R3HDM2: variants seen among roughly 807,000 people sequenced by gnomAD.
The protein encoded by R3HDM2 is R3H domain containing 2, also known as R3H domain-containing protein 2.
A neutral mutation model predicts 124.5 loss-of-function variants in R3HDM2; 38 were observed. That is an observed-to-expected ratio of 0.31 (90% CI 0.24 to 0.40). R3HDM2 has a LOEUF of 0.40. R3HDM2 is among the 10% of genes least tolerant of loss of function. R3HDM2 has a pLI of 1.00. For missense variants in R3HDM2, 869 were observed against 1,236.9 expected (o/e 0.70, Z 4.46); for synonymous variants, 391 against 448.0 (o/e 0.87, Z 1.61).
At chr12:57,328,043 ACAGT>A (rs2057556246) in intron 2 of R3HDM2, among the ~76,000 whole-genome samples, 1 of 151,926 alleles carries the variant, frequency 6.6e-6, no homozygotes, top group South Asian at 2.1e-4. Context: ...CATGAAAGGA[ACAGT>A]CAGTCGATTC....
At chr12:57,274,636 G>A (rs928473407) in intron 14 of R3HDM2, among the ~76,000 whole-genome samples, 2 of 152,162 alleles carry the variant, frequency 1.3e-5, no homozygotes, top group Non-Finnish European at 2.9e-5. Flanking sequence ...TATTTTTTTA[G>A]TTACTCCACA....
intron 2 of R3HDM2, among the ~76,000 whole-genome samples, chr12:57,365,566 T>A (rs960099198): frequency 6.6e-6 from 1 of 152,176 alleles, no homozygotes; most frequent in African/African-American, 2.4e-5. Context: ...ATCACACAGA[T>A]CCAAATGGCT....
chr12:57,422,564 T>C (rs2070318887), intron 1 of R3HDM2, among the ~76,000 whole-genome samples: 1 of 152,196 alleles, frequency 6.6e-6, no homozygotes, highest in African/African-American at 2.4e-5. Flanking sequence ...AGGGGCCAGA[T>C]CATAAAGAGT....
At chr12:57,395,852 A>T in intron 1 of R3HDM2, 34 bp from the exon 2 acceptor site, 1 of 950,482 alleles carries the variant, frequency 1.1e-6, no homozygotes, top group Non-Finnish European at 1.3e-6. Flanking sequence ...AAAACAAGTT[A>T]AAAGCAATTT....
intron 2 of R3HDM2, among the ~76,000 whole-genome samples, chr12:57,385,433 G>A (rs537101681): frequency 6.6e-6 from 1 of 151,640 alleles, no homozygotes; most frequent in South Asian, 2.1e-4. Context: ...TAGTAGAGAG[G>A]GGGTTTCACC....
At chr12:57,411,194 T>C (rs191289440) in intron 1 of R3HDM2, among the ~76,000 whole-genome samples, 32 of 152,294 alleles carry the variant, frequency 2.1e-4, no homozygotes, top group Non-Finnish European at 4.3e-4. Context: ...ATAGCAATAA[T>C]ATGCAGGATT....
At chr12:57,273,691 T>G (rs1746891528) in intron 14 of R3HDM2, among the ~76,000 whole-genome samples, 1 of 152,174 alleles carries the variant, frequency 6.6e-6, no homozygotes, top group Non-Finnish European at 1.5e-5. Flanking sequence ...CCCACTCTAG[T>G]AGTGGAGAGG....
chr12:57,322,177 CTGCACT>C (rs2056566746), intron 2 of R3HDM2, among the ~76,000 whole-genome samples: 1 of 152,104 alleles, frequency 6.6e-6, no homozygotes, highest in African/African-American at 2.4e-5. Flanking sequence ...GATCGCGCCA[CTGCACT>C]CCAGCCTGGG....
intron 2 of R3HDM2, among the ~76,000 whole-genome samples, chr12:57,362,103 T>C (rs923410513): frequency 1.3e-5 from 2 of 152,082 alleles, no homozygotes; most frequent in East Asian, 3.9e-4. Flanking sequence ...CTGCACTCCA[T>C]CCTGGGAGAC....
Position 57,296,884 on chromosome 12 carries a change from T to C in R3HDM2, c.561-333A>G. The C allele has an allele frequency of 4.2e-6, 1 of 237,498 alleles. No individual in the cohort carries two copies. The highest frequency in any genetic ancestry group is 8.2e-6 in the Non-Finnish European group (1 of 121,476). The allele number at this position is 237,498 out of a possible 1,614,324, so 14.7% of individuals were successfully genotyped here. On this transcript the variant is annotated intron_variant, in intron 8 of 23. Transcript: ENST00000402412. The surrounding 1 kb of genome is among the most constrained non-coding windows in gnomAD (Gnocchi z 4.5). ...TTCAAGACCAGCCTGGTCAACATGG[T>C]GAAACCCCGTCTCTACAAAAAATAC...
chr12:57,315,756 A>G (rs1475441546), intron 2 of R3HDM2, among the ~76,000 whole-genome samples: 1 of 152,250 alleles, frequency 6.6e-6, no homozygotes, highest in Non-Finnish European at 1.5e-5. Flanking sequence ...TTGGAGAAAC[A>G]GGAAGACTTG....
chr12:57,386,813 A>T (rs1397650187), intron 2 of R3HDM2, among the ~76,000 whole-genome samples: 1 of 152,184 alleles, frequency 6.6e-6, no homozygotes, highest in Admixed American at 6.6e-5. Flanking sequence ...TATCTAGCTC[A>T]AGGTTTGTAA....
chr12:57,386,543 G>C (rs1308953476), intron 2 of R3HDM2, among the ~76,000 whole-genome samples: 1 of 152,206 alleles, frequency 6.6e-6, no homozygotes, highest in African/African-American at 2.4e-5. Flanking sequence ...CCATGCCTGA[G>C]CCTCCCCCCG....
intron 2 of R3HDM2, among the ~76,000 whole-genome samples, chr12:57,377,727 G>T (rs1011178153): frequency 6.6e-6 from 1 of 152,076 alleles, no homozygotes; most frequent in African/African-American, 2.4e-5. Flanking sequence ...CACATACCAG[G>T]CTTTGTGATC....
chr12:57,358,526 A>T (rs2061544795), intron 2 of R3HDM2, among the ~76,000 whole-genome samples: 1 of 151,984 alleles, frequency 6.6e-6, no homozygotes, highest in Admixed American at 6.6e-5. Context: ...GTGCACCTGT[A>T]CCAACTACTT....
chr12:57,398,691 G>C (rs2067797603), intron 1 of R3HDM2, among the ~76,000 whole-genome samples: 1 of 152,140 alleles, frequency 6.6e-6, no homozygotes, highest in Non-Finnish European at 1.5e-5. Context: ...GTTTCACCAT[G>C]TTAGTCAGGC....
At chr12:57,262,310 A>C (rs2041089806) in intron 19 of R3HDM2, among the ~76,000 whole-genome samples, 1 of 152,146 alleles carries the variant, frequency 6.6e-6, no homozygotes, top group Admixed American at 6.5e-5. Flanking sequence ...TTCTGTATGC[A>C]TTTCACTCTG....
chr12:57,421,155 CAG>C (rs1042412689), intron 1 of R3HDM2, among the ~76,000 whole-genome samples: 29 of 141,674 alleles, frequency 2.0e-4, no homozygotes, highest in Non-Finnish European at 3.5e-4. Context: ...CCATGTCTAA[CAG>C]ATTCTTTTTT....
At chr12:57,389,774 A>G (rs549278858) in intron 2 of R3HDM2, among the ~76,000 whole-genome samples, 4 of 152,344 alleles carry the variant, frequency 2.6e-5, no homozygotes, top group Admixed American at 2.6e-4. Flanking sequence ...AAAGCATATG[A>G]TAACACCCAG....
Sources: gnomAD v4.1 joint callset for allele counts (sites outside exome capture counted in the v4.1 genomes callset) on GRCh38, gnomAD v4.1.1 for gene constraint, Gnocchi (gnomAD v3.1) non-coding constraint, MANE v1.5 for transcripts, NCBI Gene and HGNC (gene_info 2026-07-23, HGNC 2026-07-21) for gene names.